The following RAB11FIP1 variants were observed in gnomAD, a reference collection of about 807,000 sequenced individuals.
The protein encoded by RAB11FIP1 is RAB11 family interacting protein 1.
A neutral mutation model predicts 83.1 loss-of-function variants in RAB11FIP1; 49 were observed. The ratio of observed to expected loss-of-function variants is 0.59; its 90% CI spans 0.47 to 0.75. The LOEUF (loss-of-function observed/expected upper bound fraction) is 0.75, where lower values mean the gene tolerates loss of function less well. Among genes scored for constraint, RAB11FIP1 ranks in the 30% least tolerant of loss-of-function variants. RAB11FIP1 has a pLI of 0.00. For synonymous variants in RAB11FIP1, 670 were observed against 656.0 expected (o/e 1.02, Z -0.33); for missense variants, 1,536 against 1,598.7 (o/e 0.96, Z 0.67).
At position 37,875,294 on chromosome 8, in the gene RAB11FIP1, C is replaced by G. The variant is rs760383478; in HGVS notation, c.843G>C (p.Thr281=). The change falls in exon 3 of 6, where the codon ACG becomes ACC. Residue 281 remains threonine, a synonymous_variant. Transcript: ENST00000330843. The part of the protein sequence containing the change: ...DVMSHKRTAS[T]DLKQLNQVNF... ...TGACCTGGTTCAGTTGCTTAAGATC[C>G]GTACTCGCTGTTCTCTTGTGAGACA... is the stretch of plus-strand genomic sequence containing the variant. 1 of 1,612,950 alleles carries G rather than the reference C, an allele frequency of 6.2e-7. No individual in the cohort carries two copies. Among genetic ancestry groups the G allele is most frequent in the South Asian group, 1.1e-5 (1 of 91,066 alleles).
In RAB11FIP1 at chr8:37,870,624, G is replaced by A; in HGVS notation, c.3525-96C>T. ...GACGGCAGCCAGTAAGCCAGACAAGGGGCAGGTGGGTCACATGCTGCCCTC... is the reference window on the plus strand; with the variant it reads ...GACGGCAGCCAGTAAGCCAGACAAGAGGCAGGTGGGTCACATGCTGCCCTC... On this transcript the variant is annotated intron_variant, in intron 4 of 5. Coordinates refer to ENST00000330843, the MANE Select transcript of RAB11FIP1 (RefSeq NM_001002814.3). The A allele has an allele frequency of 7.8e-6, 5 of 644,982 alleles. No individual in the cohort carries two copies. In the East Asian group the frequency reaches 1.4e-4, roughly 18 times the overall value. The allele number at this position is 644,982 out of a possible 1,614,324, so 40.0% of individuals were successfully genotyped here. A position where few individuals can be genotyped will look rare whatever the true frequency, so the allele number is the denominator to read the frequency against.
chr8:37,891,807 T>C lies in RAB11FIP1; in HGVS notation c.371+7264A>G, dbSNP rs183605337. On this transcript the variant is annotated intron_variant, in intron 1 of 5. Coordinates refer to ENST00000330843, the MANE Select transcript of RAB11FIP1 (RefSeq NM_001002814.3). ...TTATGTTCTCCTTTTCTTAGTCCTATATCCCTTAAAGCAGTGACTTCATCT... is the reference window on the plus strand; with the variant it reads ...TTATGTTCTCCTTTTCTTAGTCCTACATCCCTTAAAGCAGTGACTTCATCT... 2.2e-3 allele frequency among the ~76,000 whole-genome samples: 331 copies of C among 152,346 alleles called. 2 individuals are homozygous for C. The highest frequency in any genetic ancestry group is 6.8e-3 in the Middle Eastern group (2 of 294).
chr8:37,867,873 A>G (rs1806373436), intron 5 of RAB11FIP1, among the ~76,000 whole-genome samples: 1 of 152,184 alleles, frequency 6.6e-6, no homozygotes, highest in South Asian at 2.1e-4. Context: ...TTGGACCTCC[A>G]GCTTCCTGTA....
chr8:37,899,322 G>C lies in RAB11FIP1; in HGVS notation c.120C>G (p.Asp40Glu), dbSNP rs1484691937. ...LRAKGPGGTS[D>E]AYAVIQVGKE... ...TGCCCACCTGGATCACCGCGTACGC[G>C]TCGCTCGTGCCCCCGGGGCCCTTGG... The change falls in exon 1 of 6, where the codon GAC becomes GAG. Residue 40 changes from aspartate to glutamate, a missense_variant. Transcript: ENST00000330843. This position sits in a 1 kb window ranked among gnomAD's most constrained non-coding sequence, Gnocchi z 4.5. 6 of 1,609,386 alleles carry C rather than the reference G, an allele frequency of 3.7e-6. No individual in the cohort carries two copies. In the African/African-American group the frequency reaches 8.1e-5, roughly 22 times the overall value.
chr8:37,871,958 T>C lies in RAB11FIP1; in HGVS notation c.2844A>G (p.Lys948=), dbSNP rs771605626. ...AGTTCAGATCGGCCATGATTGGAGA[T>C]TTAAAATCTGAGACCAACTGAAGGT... ...LSDLQLVSDF[K]SPIMADLNLS... is the part of the protein sequence containing the mutation. Residue 948 remains lysine (K), a synonymous_variant, in exon 4 of 6, where the codon AAA becomes AAG. Coordinates refer to ENST00000330843, the MANE Select transcript of RAB11FIP1 (RefSeq NM_001002814.3). The C allele has an allele frequency of 3.1e-6, 5 of 1,614,168 alleles. No individual in the cohort carries two copies. The highest frequency in any genetic ancestry group is 4.2e-6 in the Non-Finnish European group (5 of 1,180,024).
rs775480654 is a variant in RAB11FIP1, at chr8:37,872,189, C to T, written c.2613G>A (p.Gly871=). Residue 871 remains glycine (G), a synonymous_variant, in exon 4 of 6, where the codon GGG becomes GGA. Transcript: ENST00000330843. ...AGGCTGGCGCACCACACGTCGCTGG[C>T]CCAGGTGTGGTCACCGATTCCCTTT... The part of the protein sequence containing the change: ...DSERESVTTP[G]PATCGAPASP... The T allele has an allele frequency of 1.2e-6, 2 of 1,614,020 alleles. No individual in the cohort carries two copies. Among genetic ancestry groups the T allele is most frequent in the Non-Finnish European group, 1.7e-6 (2 of 1,180,002 alleles).
Position 37,862,968 on chromosome 8 carries a change from A to G in RAB11FIP1, c.3779T>C (p.Val1260Ala), listed in dbSNP as rs151011205. The change falls in exon 6 of 6, where the codon GTC becomes GCC. Residue 1260 changes from valine (V) to alanine (A), a missense_variant. Coordinates refer to ENST00000330843, the MANE Select transcript of RAB11FIP1 (RefSeq NM_001002814.3). The part of the protein sequence containing the change: ...ELEDYIDNLL[V>A]RVMEETPNIL... ...ATTGGGGGTTTCTTCCATGACCCTG[A>G]CAAGCAGGTTGTCAATGTAGTCTTC... 1.6e-3 allele frequency: 2,511 copies of G among 1,613,868 alleles called. 43 individuals are homozygous for G. The East Asian group carries it at 0.029, about 19-fold the overall frequency.
At chr8:37,876,345 G>A (rs924745923) in intron 2 of RAB11FIP1, among the ~76,000 whole-genome samples, 78 of 151,952 alleles carry the variant, frequency 5.1e-4, no homozygotes, top group African/African-American at 1.7e-3. Context: ...GGTCATAAGA[G>A]CCCTTTGAGA....
intron 1 of RAB11FIP1, 85 bp downstream of exon 1, chr8:37,898,986 C>G: frequency 7.5e-7 from 1 of 1,327,364 alleles, no homozygotes; most frequent in Admixed American, 3.6e-5. Context: ...GCCCGGCTTA[C>G]TCTCGAAGGG....
Position 37,874,956 on chromosome 8 carries a change from G to A in RAB11FIP1, c.1181C>T (p.Thr394Ile). Residue 394 changes from threonine (T) to isoleucine (I), a missense_variant, in exon 3 of 6, where the codon ACC becomes ATC. Thr to Ile is a moderately conservative substitution (Grantham distance 89). Transcript: ENST00000330843. ...SSTKDSLKSM[T>I]LPSYRPAPLV... is the part of the protein sequence containing the mutation. ...TGGGGCAGGTCGGTAGGACGGCAGG[G>A]TCATAGACTTCAAGGAGTCCTTGGT... 1 of 1,614,164 alleles carries A rather than the reference G, an allele frequency of 6.2e-7. No individual in the cohort carries two copies. The highest frequency in any genetic ancestry group is 8.5e-7 in the Non-Finnish European group (1 of 1,180,038).
chr8:37,896,187 G>A (rs974732162), intron 1 of RAB11FIP1, among the ~76,000 whole-genome samples: 2 of 151,860 alleles, frequency 1.3e-5, no homozygotes, highest in African/African-American at 4.8e-5. Flanking sequence ...GCGGGTGCCT[G>A]TAATCCCAGC....
chr8:37,893,888 T>C (rs1226098149), intron 1 of RAB11FIP1, among the ~76,000 whole-genome samples: 1 of 151,884 alleles, frequency 6.6e-6, no homozygotes, highest in Non-Finnish European at 1.5e-5. Flanking sequence ...TCATAAACAA[T>C]ACCAACAAAA....
Position 37,873,070 on chromosome 8 carries a change from AG to A in RAB11FIP1, c.1731del (p.Ser578LeufsTer25). The A allele has an allele frequency of 6.2e-7, 1 of 1,614,062 alleles. No homozygotes were observed. The highest frequency in any genetic ancestry group is 8.5e-7 in the Non-Finnish European group (1 of 1,179,996). On this transcript the variant is annotated frameshift_variant, in exon 4 of 6. Coordinates refer to ENST00000330843, the MANE Select transcript of RAB11FIP1 (RefSeq NM_001002814.3). LOFTEE classifies it high-confidence loss of function. ...GTGTCTGCACCATGTCCCAATTCAGAGGGGACAGATGCCTGGCCAGAGCTAG... is the reference window on the plus strand; with the variant it reads ...GTGTCTGCACCATGTCCCAATTCAGAGGGACAGATGCCTGGCCAGAGCTAG... ...LPSSSGQASV[P>X]SELGHGADTQ...
chr8:37,892,245 A>G (rs993951430), intron 1 of RAB11FIP1, among the ~76,000 whole-genome samples: 6 of 152,022 alleles, frequency 3.9e-5, no homozygotes, highest in African/African-American at 1.2e-4. Context: ...CCACCTCCAC[A>G]GGTGGCTTGG....
rs1320645465 is a variant in RAB11FIP1, at chr8:37,874,935, G to C, written c.1202C>G (p.Ala401Gly). 1 of 1,614,178 alleles carries C rather than the reference G, an allele frequency of 6.2e-7. No individual in the cohort carries two copies. The highest frequency in any genetic ancestry group is 2.2e-5 in the East Asian group (1 of 44,882). Residue 401 changes from alanine to glycine, a missense_variant, in exon 3 of 6, where the codon GCC becomes GGC. By Grantham distance (60) the Ala-to-Gly change is moderately conservative (BLOSUM62 0). Transcript: ENST00000330843. ...CCTGAGGTCCCCACTGACCAGTGGG[G>C]CAGGTCGGTAGGACGGCAGGGTCAT... ...KSMTLPSYRP[A>G]PLVSGDLREN...
rs142733672 is a variant in RAB11FIP1 at position 37,862,131 on chromosome 8, T to C, written c.*764A>G. 94 of 152,628 alleles carry C rather than the reference T, an allele frequency of 6.2e-4. No individual in the cohort carries two copies. Among genetic ancestry groups the C allele is most frequent in the African/African-American group, 2.3e-3 (94 of 41,584 alleles). The allele number at this position is 152,628 out of a possible 1,614,324, so 9.5% of individuals were successfully genotyped here. Reference sequence around the variant, plus strand: ...CCTGGCTGTCATAAGAGGAGGGGCTTTCACCAAGTTCCTCAAATTGAATAA... The same window carrying C: ...CCTGGCTGTCATAAGAGGAGGGGCTCTCACCAAGTTCCTCAAATTGAATAA... On this transcript the variant is annotated 3_prime_UTR_variant, in exon 6 of 6. Coordinates refer to ENST00000330843, the MANE Select transcript of RAB11FIP1 (RefSeq NM_001002814.3).
intron 1 of RAB11FIP1, among the ~76,000 whole-genome samples, chr8:37,880,487 C>G (rs1239514472): frequency 6.6e-6 from 1 of 151,888 alleles, no homozygotes; most frequent in East Asian, 1.9e-4. Context: ...TTAGTAGAGA[C>G]AGGGTATGGT....
At chr8:37,870,958 ATAC>A (rs1240351396) in intron 4 of RAB11FIP1, 5 of 350,242 alleles carry the variant, frequency 1.4e-5, no homozygotes, top group Non-Finnish European at 2.6e-5. Context: ...ACACTGCTAG[ATAC>A]TACTACCACT....
chr8:37,871,145 C>T (rs1414944923), intron 4 of RAB11FIP1, 133 bp downstream of exon 4: 3 of 1,229,884 alleles, frequency 2.4e-6, no homozygotes, highest in African/African-American at 1.5e-5. Flanking sequence ...AAGGGGCAGC[C>T]CTACCAGCAG....
Sources: allele counts gnomAD v4.1 joint callset (sites outside exome capture counted in the v4.1 genomes callset), GRCh38; gene constraint gnomAD v4.1.1; non-coding constraint Gnocchi (gnomAD v3.1); transcripts MANE v1.5; gene names NCBI Gene and HGNC (gene_info 2026-07-23, HGNC 2026-07-21).